Variants in DIABLO observed in about 807,000 individuals in gnomAD.
DIABLO encodes diablo IAP-binding mitochondrial protein.
DIABLO carries 32 observed loss-of-function variants against 31.7 expected under a neutral mutation model. The ratio of observed to expected loss-of-function variants is 1.01; its 90% CI spans 0.76 to 1.35. The LOEUF (loss-of-function observed/expected upper bound fraction) is 1.35, where lower values mean the gene tolerates loss of function less well. Among genes scored for constraint, DIABLO ranks in the 40% most tolerant of loss-of-function variants. The pLI is 0.00. For missense variants in DIABLO, 316 were observed against 286.4 expected (o/e 1.10, Z -0.75); for synonymous variants, 132 against 103.2 (o/e 1.28, Z -1.69).
intron 2 of DIABLO, among the ~76,000 whole-genome samples, chr12:122,223,156 C>A (rs946552241): frequency 1.3e-5 from 2 of 151,984 alleles, no homozygotes; most frequent in Non-Finnish European, 2.9e-5. Context: ...CTGTGACAGC[C>A]GGGCACGGTG....
intron 2 of DIABLO, among the ~76,000 whole-genome samples, chr12:122,219,481 A>G (rs1270440266): frequency 6.6e-6 from 1 of 152,130 alleles, no homozygotes; most frequent in Non-Finnish European, 1.5e-5. Flanking sequence ...CACTGGGGGC[A>G]TGCAGAAGGG....
upstream of DIABLO, chr12:122,226,103 C>T (rs1464799994): frequency 6.5e-7 from 1 of 1,530,488 alleles, no homozygotes; most frequent in Non-Finnish European, 8.8e-7. Flanking sequence ...CTGAGAGCGC[C>T]TCGCCCCATA....
At chr12:122,224,772 G>A (rs1954413618) in intron 1 of DIABLO, 128 bp from the exon 2 acceptor site, 3 of 1,586,316 alleles carry the variant, frequency 1.9e-6, no homozygotes, top group East Asian at 2.3e-5. Flanking sequence ...CAGGACAGCT[G>A]AGGGGTTTTG....
chr12:122,214,203 T>C (rs1954154213), intron 5 of DIABLO, among the ~76,000 whole-genome samples: 1 of 152,222 alleles, frequency 6.6e-6, no homozygotes, highest in Non-Finnish European at 1.5e-5. Context: ...ATCTTTTCTT[T>C]GAGATGGGGT....
intron 1 of DIABLO, chr12:122,224,884 G>A (rs1365036185): frequency 5.0e-6 from 7 of 1,408,640 alleles, no homozygotes; most frequent in South Asian, 1.3e-5. Context: ...CAAGGCGGGA[G>A]GATCACTTGA....
intron 3 of DIABLO, 35 bp from the exon 4 acceptor site, chr12:122,216,904 A>G (rs775758093): frequency 2.0e-6 from 3 of 1,537,576 alleles, no homozygotes; most frequent in South Asian, 2.2e-5. Flanking sequence ...TGAGTAAAGT[A>G]AGTGAGACAT....
intron 5 of DIABLO, among the ~76,000 whole-genome samples, chr12:122,214,081 TCAAAAAAA>T (rs79818531): frequency 0.043 from 6,515 of 152,134 alleles, 189 homozygotes; most frequent in Middle Eastern, 0.12. Context: ...TGAGACTGTC[TCAAAAAAA>T]CAAACAAACA....
At chr12:122,224,979 G>A (rs2136109271) in intron 1 of DIABLO, 3 of 498,056 alleles carry the variant, frequency 6.0e-6, no homozygotes, top group Non-Finnish European at 9.7e-6. Context: ...AATAAAGGCC[G>A]AGGCGGGTGG....
intron 3 of DIABLO, chr12:122,217,620 TCCTC>T (rs1954244510): frequency 6.5e-6 from 1 of 154,562 alleles, no homozygotes; most frequent in African/African-American, 2.4e-5. Context: ...ACTCAAGTGA[TCCTC>T]CCACCTCAGC....
intron 5 of DIABLO, among the ~76,000 whole-genome samples, chr12:122,214,963 C>A (rs953959025): frequency 1.3e-5 from 2 of 152,318 alleles, no homozygotes; most frequent in East Asian, 1.9e-4. Flanking sequence ...CCTTGGCCCC[C>A]CAAAGTGCTG....
chr12:122,223,988 CAG>C (rs1420769892), intron 2 of DIABLO, among the ~76,000 whole-genome samples: 3 of 152,210 alleles, frequency 2.0e-5, no homozygotes, highest in Non-Finnish European at 2.9e-5. Flanking sequence ...TTTGTAGAGA[CAG>C]AGTCTCCCTA....
At chr12:122,209,000 T>C (rs1194888156) in intron 5 of DIABLO, 5 of 331,824 alleles carry the variant, frequency 1.5e-5, no homozygotes, top group Non-Finnish European at 2.3e-5. Context: ...GAAAAATATT[T>C]TTTTACTATA....
At chr12:122,224,434 T>C in intron 2 of DIABLO, 78 bp downstream of exon 2, 1 of 1,610,520 alleles carries the variant, frequency 6.2e-7, no homozygotes, top group South Asian at 1.1e-5. Context: ...TATGGTAGCT[T>C]GTCTAATGCT....
chr12:122,208,702 CCT>C (rs1566020195), intron 5 of DIABLO, 125 bp from the exon 6 acceptor site: 1 of 893,862 alleles, frequency 1.1e-6, no homozygotes, highest in East Asian at 2.6e-5. Context: ...CCTTGACCTC[CCT>C]GTCTTCTCTC....
At chr12:122,209,551 G>A in intron 5 of DIABLO, 1 of 526,664 alleles carries the variant, frequency 1.9e-6, no homozygotes, top group East Asian at 3.2e-5. Context: ...TGCAGTCTCA[G>A]CTACTTGGGA....
intron 5 of DIABLO, among the ~76,000 whole-genome samples, chr12:122,210,988 C>A (rs1954073765): frequency 7.1e-6 from 1 of 140,594 alleles, no homozygotes; most frequent in South Asian, 2.2e-4. Context: ...CTACAGCAAG[C>A]TATGATCTAT....
At chr12:122,224,904 T>C (rs1954417926) in intron 1 of DIABLO, 1 of 1,292,188 alleles carries the variant, frequency 7.7e-7, no homozygotes, top group Non-Finnish European at 1.0e-6. Context: ...AGCCCAGGAG[T>C]TCACGACCAG....
At chr12:122,226,942 G>C (rs1261672987), upstream of DIABLO, among the ~76,000 whole-genome samples, 1 of 152,230 alleles carries the variant, frequency 6.6e-6, no homozygotes, top group Non-Finnish European at 1.5e-5. Context: ...CACTCAAGCT[G>C]CAGCCCCAGC....
At chr12:122,219,760 G>A (rs1393962068) in intron 2 of DIABLO, among the ~76,000 whole-genome samples, 1 of 151,414 alleles carries the variant, frequency 6.6e-6, no homozygotes, top group Non-Finnish European at 1.5e-5. Flanking sequence ...CTACTTGAGA[G>A]GCTGAGGCAG....
Sources: gnomAD v4.1 joint callset for allele counts (sites outside exome capture counted in the v4.1 genomes callset) on GRCh38, gnomAD v4.1.1 for gene constraint, MANE v1.5 for transcripts, NCBI Gene and HGNC (gene_info 2026-07-23, HGNC 2026-07-21) for gene names.